Variants in TRAPPC12 observed in about 807,000 individuals in gnomAD.
TRAPPC12 encodes TPR repeat protein 15.
Under a neutral mutation model 69.2 loss-of-function variants are expected in TRAPPC12, and 61 were observed. The ratio of observed to expected loss-of-function variants is 0.88; its 90% CI spans 0.72 to 1.09. The LOEUF is 1.09. Among genes scored for constraint, TRAPPC12 ranks in the 50% least tolerant of loss-of-function variants. The pLI is 0.00. For missense variants in TRAPPC12, 1,101 were observed against 1,016.4 expected, an observed-to-expected ratio of 1.08 and a Z score of -1.13; for synonymous variants, 469 against 438.9, an observed-to-expected ratio of 1.07 and a Z score of -0.86.
At chr2:3,478,016 C>T (rs892400668) in intron 10 of TRAPPC12, 1 of 408,504 alleles carries the variant, frequency 2.4e-6, no homozygotes, top group East Asian at 3.7e-5. Flanking sequence ...GCTATTCCCC[C>T]TTGTTCTTCA....
At chr2:3,422,049 C>A in intron 4 of TRAPPC12, 55 bp downstream of exon 4, 2 of 1,382,060 alleles carry the variant, frequency 1.4e-6, no homozygotes, top group Admixed American at 1.9e-5. Context: ...AGTCTGGGGA[C>A]ATGGACAGGA....
chr2:3,417,160 TTC>T (rs1288362725), intron 3 of TRAPPC12, among the ~76,000 whole-genome samples: 1 of 152,166 alleles, frequency 6.6e-6, no homozygotes, highest in African/African-American at 2.4e-5. Flanking sequence ...TTTTTATATC[TTC>T]TGTCATTTTG....
chr2:3,455,317 C>T (rs542031761), intron 6 of TRAPPC12: 3 of 152,332 alleles, frequency 2.0e-5, no homozygotes, highest in South Asian at 4.1e-4. Flanking sequence ...ATAATCCCAT[C>T]AGGGTAAATG....
intron 6 of TRAPPC12, among the ~76,000 whole-genome samples, chr2:3,452,887 T>C (rs557429203): frequency 2.6e-5 from 4 of 152,390 alleles, no homozygotes; most frequent in African/African-American, 9.6e-5. Flanking sequence ...GTAATTAATA[T>C]CCATTCAGCA....
In TRAPPC12 at chr2:3,479,073, G is replaced by A. The variant is rs896818245; in HGVS notation, c.1965+140G>A. ...CCAGGCAGTGGCTGTGGCCCTTAGG[G>A]GAAGTGACCCAACAGGGCCACCTAG... is the stretch of plus-strand genomic sequence containing the variant. On this transcript the variant is annotated intron_variant, in intron 11 of 11. Coordinates refer to ENST00000324266, the MANE Select transcript of TRAPPC12 (RefSeq NM_016030.6). 9.4e-6 allele frequency: 14 copies of A among 1,496,642 alleles called. No homozygotes were observed. In the Admixed American group the frequency reaches 2.4e-4, roughly 26 times the overall value. 92.7% of individuals were successfully genotyped at this position (1,496,642 alleles called of 1,614,324 possible).
intron 9 of TRAPPC12, among the ~76,000 whole-genome samples, chr2:3,474,243 T>C (rs1020020725): frequency 1.3e-5 from 2 of 152,166 alleles, no homozygotes; most frequent in African/African-American, 4.8e-5. Context: ...GAATTGACTC[T>C]CGATCACAAG....
intron 9 of TRAPPC12, among the ~76,000 whole-genome samples, chr2:3,469,964 C>G (rs986133992): frequency 2.6e-5 from 4 of 152,204 alleles, no homozygotes; most frequent in African/African-American, 9.7e-5. Context: ...CATGGAGATA[C>G]AAGGGAGGCT....
intron 3 of TRAPPC12, among the ~76,000 whole-genome samples, chr2:3,420,606 C>T (rs1662724541): frequency 6.6e-6 from 1 of 152,160 alleles, no homozygotes; most frequent in African/African-American, 2.4e-5. Flanking sequence ...CCCCACTCTC[C>T]TGCCTTCAAC....
chr2:3,466,677 A>G (rs1665828420), intron 9 of TRAPPC12, among the ~76,000 whole-genome samples: 1 of 152,100 alleles, frequency 6.6e-6, no homozygotes, highest in African/African-American at 2.4e-5. Context: ...GGAAGTCCAC[A>G]TGGGACACCA....
chr2:3,440,744 TA>T, intron 5 of TRAPPC12, among the ~76,000 whole-genome samples: 1 of 152,208 alleles, frequency 6.6e-6, no homozygotes, highest in Non-Finnish European at 1.5e-5. Context: ...TTCATGATCT[TA>T]GGGGGAAGTC....
chr2:3,385,851 G>T (rs1183411249), intron 1 of TRAPPC12, among the ~76,000 whole-genome samples: 3 of 152,238 alleles, frequency 2.0e-5, no homozygotes, highest in Non-Finnish European at 4.4e-5. Context: ...TGCTCCTTGT[G>T]CCCGGCCTCT....
chr2:3,386,547 C>G (rs1285104388), intron 1 of TRAPPC12, among the ~76,000 whole-genome samples: 5 of 152,110 alleles, frequency 3.3e-5, no homozygotes, highest in African/African-American at 1.2e-4. Context: ...TATATATAGC[C>G]AGGGGCATAG....
chr2:3,429,324 G>A (rs1023019975), intron 5 of TRAPPC12, among the ~76,000 whole-genome samples: 8 of 152,212 alleles, frequency 5.3e-5, no homozygotes, highest in Admixed American at 2.6e-4. Context: ...GAGGATCGGC[G>A]TTGGTCATAC....
chr2:3,388,067 G>A lies in TRAPPC12; in HGVS notation c.444G>A (p.Glu148=), dbSNP rs1169616221. 2.0e-6 allele frequency: 3 copies of A among 1,526,754 alleles called. No homozygotes were observed. The highest frequency in any genetic ancestry group is 5.1e-5 in the East Asian group (2 of 39,390). 94.6% of individuals were successfully genotyped at this position (1,526,754 alleles called of 1,614,324 possible). A position where few individuals can be genotyped will look rare whatever the true frequency, so the allele number is the denominator to read the frequency against. Residue 148 remains glutamate, a synonymous_variant, in exon 2 of 12, where the codon GAG becomes GAA. Coordinates refer to ENST00000324266, the MANE Select transcript of TRAPPC12 (RefSeq NM_016030.6). ...CAGGCAGCGAAGCCGCGCGCCCGGAGCAGGAGCCTCCCGTTGCGGAGCCGG... is the reference window on the plus strand; with the variant it reads ...CAGGCAGCGAAGCCGCGCGCCCGGAACAGGAGCCTCCCGTTGCGGAGCCGG... The part of the protein sequence containing the change: ...EVPGSEAARP[E]QEPPVAEPVP...
At chr2:3,428,972 C>T (rs1346915595) in intron 5 of TRAPPC12, among the ~76,000 whole-genome samples, 1 of 152,200 alleles carries the variant, frequency 6.6e-6, no homozygotes, top group Non-Finnish European at 1.5e-5. Flanking sequence ...TGCTTCTTCC[C>T]CTCTCAGACC....
intron 3 of TRAPPC12, 80 bp downstream of exon 3, chr2:3,401,973 A>G (rs1395638542): frequency 6.3e-6 from 6 of 949,570 alleles, no homozygotes; most frequent in East Asian, 2.7e-5. Context: ...CTAGAAGTCA[A>G]TTATTTTGAA....
In TRAPPC12 at chr2:3,465,700, CTG is replaced by C; in HGVS notation, c.1776+8_1776+9del. 4 of 1,608,590 alleles carry C rather than the reference CTG, an allele frequency of 2.5e-6. No homozygotes were observed. Among genetic ancestry groups the C allele is most frequent in the Non-Finnish European group, 3.4e-6 (4 of 1,174,980 alleles). On this transcript the variant is annotated splice_donor_region_variant and intron_variant, in intron 9 of 11. Transcript: ENST00000324266. ...ATCGGCCGGATTTCCCTGCAGGTAC[CTG>C]TGCACGGTCAGACATGAGCCAGAAA...
At chr2:3,476,250 C>A (rs557730798) in intron 9 of TRAPPC12, among the ~76,000 whole-genome samples, 1 of 152,198 alleles carries the variant, frequency 6.6e-6, no homozygotes, top group Non-Finnish European at 1.5e-5. Flanking sequence ...GAGATGTTAT[C>A]CTGTTTCCAA....
intron 2 of TRAPPC12, among the ~76,000 whole-genome samples, chr2:3,401,423 C>T (rs1433650736): frequency 6.6e-6 from 1 of 152,236 alleles, no homozygotes; most frequent in Non-Finnish European, 1.5e-5. Context: ...CCCTAGGCCC[C>T]TCACCTGAGG....
Sources: gnomAD v4.1 joint callset for allele counts (sites outside exome capture counted in the v4.1 genomes callset) on GRCh38, gnomAD v4.1.1 for gene constraint, MANE v1.5 for transcripts, NCBI Gene and HGNC (gene_info 2026-07-23, HGNC 2026-07-21) for gene names.